Variants in NUBPL observed in about 807,000 individuals in gnomAD.
The protein encoded by NUBPL is iron-sulfur cluster transfer protein NUBPL.
NUBPL carries 31 observed loss-of-function variants against 45.7 expected under a neutral mutation model. That is an observed-to-expected ratio of 0.68 (90% CI 0.51 to 0.92). NUBPL has a LOEUF of 0.92. Among genes scored for constraint, NUBPL ranks in the 40% least tolerant of loss-of-function variants. The pLI is 0.00. For missense variants in NUBPL, 401 were observed against 398.7 expected (o/e 1.01, Z -0.05); for synonymous variants, 144 against 140.9 (o/e 1.02, Z -0.15).
chr14:31,838,168 A>G (rs1160298372), intron 8 of NUBPL, among the ~76,000 whole-genome samples: 1 of 151,948 alleles, frequency 6.6e-6, no homozygotes, highest in Non-Finnish European at 1.5e-5. Context: ...AGGCTGTGGA[A>G]TGGCTGGAAT....
chr14:31,753,448 A>G (rs558266651), intron 6 of NUBPL, among the ~76,000 whole-genome samples: 9 of 152,122 alleles, frequency 5.9e-5, no homozygotes, highest in Non-Finnish European at 1.0e-4. Flanking sequence ...CCGGGAGTAT[A>G]GTACACAGTG....
intron 4 of NUBPL, among the ~76,000 whole-genome samples, chr14:31,639,512 A>G (rs1157231717): frequency 6.6e-6 from 1 of 152,142 alleles, no homozygotes; most frequent in Non-Finnish European, 1.5e-5. Flanking sequence ...CCTCCCAGTT[A>G]GGCTGCTCGG....
chr14:31,590,135 A>T (rs34042472), intron 3 of NUBPL, among the ~76,000 whole-genome samples: 45,888 of 151,994 alleles, frequency 0.3, 7,658 homozygotes, highest in South Asian at 0.41. Context: ...AATCTTTCTC[A>T]CAGAGCAATC....
intron 8 of NUBPL, among the ~76,000 whole-genome samples, chr14:31,829,330 T>C (rs1418193464): frequency 2.6e-5 from 4 of 152,092 alleles, no homozygotes; most frequent in Non-Finnish European, 5.9e-5. Context: ...TTAAAAGAGA[T>C]AGAAGGTCTT....
intron 7 of NUBPL, among the ~76,000 whole-genome samples, chr14:31,803,725 C>A (rs2039634288): frequency 6.6e-6 from 1 of 152,104 alleles, no homozygotes; most frequent in Non-Finnish European, 1.5e-5. Context: ...TTAAAAAATT[C>A]TTTCTGAAAT....
chr14:31,610,466 A>C lies in NUBPL; in HGVS notation c.382+11087A>C, dbSNP rs185605331. ...GAAAAGTCCACGACCCAATAGCTTC[A>C]CTGCTGAATTCTACCAAATATTTAA... is the stretch of plus-strand genomic sequence containing the variant. On this transcript the variant is annotated intron_variant, in intron 4 of 10. Coordinates refer to ENST00000281081, the MANE Select transcript of NUBPL (RefSeq NM_025152.3). 1.1e-3 allele frequency among the ~76,000 whole-genome samples: 165 copies of C among 152,130 alleles called. No homozygotes were observed. The Middle Eastern group carries it at 0.014, about 13-fold the overall frequency.
intron 4 of NUBPL, among the ~76,000 whole-genome samples, chr14:31,643,359 A>G (rs1363705389): frequency 2.0e-5 from 3 of 152,158 alleles, no homozygotes; most frequent in Non-Finnish European, 4.4e-5. Flanking sequence ...TTTATCATAA[A>G]GGGATGTTGA....
At chr14:31,789,408 G>A (rs1388280352) in intron 7 of NUBPL, among the ~76,000 whole-genome samples, 2 of 151,978 alleles carry the variant, frequency 1.3e-5, no homozygotes, top group Non-Finnish European at 2.9e-5. Flanking sequence ...GAATTTTATA[G>A]TCTGCTAATT....
At chr14:31,590,921 C>G (rs2034125324) in intron 3 of NUBPL, among the ~76,000 whole-genome samples, 1 of 152,056 alleles carries the variant, frequency 6.6e-6, no homozygotes, top group Admixed American at 6.5e-5. Flanking sequence ...AGTTTTTCTT[C>G]TCTTAATCTT....
intron 6 of NUBPL, among the ~76,000 whole-genome samples, chr14:31,688,554 C>T (rs1406026344): frequency 7.2e-5 from 10 of 138,406 alleles, no homozygotes; most frequent in Non-Finnish European, 1.4e-4. Context: ...CACTCCAGCC[C>T]GGGCAACAGT....
At chr14:31,609,476 C>T (rs2034695566) in intron 4 of NUBPL, among the ~76,000 whole-genome samples, 1 of 152,078 alleles carries the variant, frequency 6.6e-6, no homozygotes, top group Non-Finnish European at 1.5e-5. Flanking sequence ...ACAATAATAC[C>T]TGGAGACTTC....
At chr14:31,770,044 G>A (rs1476900705) in intron 6 of NUBPL, among the ~76,000 whole-genome samples, 1 of 152,002 alleles carries the variant, frequency 6.6e-6, no homozygotes, top group Non-Finnish European at 1.5e-5. Flanking sequence ...TCCCATTTCA[G>A]TGCTTGTTTT....
Position 31,617,439 on chromosome 14 carries a change from A to C in NUBPL, c.382+18060A>C, listed in dbSNP as rs368551481. Among the ~76,000 whole-genome samples, 50 of 152,260 alleles carry C rather than the reference A, an allele frequency of 3.3e-4. No homozygotes were observed. In the East Asian group the frequency reaches 8.7e-3, roughly 26 times the overall value. ...GTCATAAATAGCTCTTATTATTTTGAGATATGTTCCATCAATACCTAGTTT... is the reference window on the plus strand; with the variant it reads ...GTCATAAATAGCTCTTATTATTTTGCGATATGTTCCATCAATACCTAGTTT... On this transcript the variant is annotated intron_variant, in intron 4 of 10. Transcript: ENST00000281081.
At chr14:31,815,228 G>A (rs1384564628) in intron 7 of NUBPL, among the ~76,000 whole-genome samples, 1 of 151,906 alleles carries the variant, frequency 6.6e-6, no homozygotes, top group African/African-American at 2.4e-5. Flanking sequence ...GCAGCGGTTT[G>A]TAGTTCTCCT....
chr14:31,678,721 T>C (rs912198624), intron 6 of NUBPL, among the ~76,000 whole-genome samples: 3 of 152,192 alleles, frequency 2.0e-5, no homozygotes, highest in African/African-American at 7.2e-5. Flanking sequence ...AAAGGGTCTC[T>C]TGTGAAGCCA....
intron 6 of NUBPL, among the ~76,000 whole-genome samples, chr14:31,752,913 GGT>G (rs1267587135): frequency 6.6e-6 from 1 of 152,148 alleles, no homozygotes; most frequent in Non-Finnish European, 1.5e-5. Context: ...TTCTTCATAT[GGT>G]GGCAATAAAC....
chr14:31,688,472 G>T (rs575846540), intron 6 of NUBPL, among the ~76,000 whole-genome samples: 31 of 151,894 alleles, frequency 2.0e-4, no homozygotes, highest in Admixed American at 4.6e-4. Flanking sequence ...AGCTACTCGG[G>T]TGGCTGAGGC....
At chr14:31,744,617 C>CTTTTTTT (rs34367142) in intron 6 of NUBPL, among the ~76,000 whole-genome samples, 4 of 103,912 alleles carry the variant, frequency 3.8e-5, no homozygotes, top group African/African-American at 4.1e-5. Flanking sequence ...TTTGTAGAAT[C>CTTTTTTT]TTTTTTTTTT....
intron 6 of NUBPL, among the ~76,000 whole-genome samples, chr14:31,716,264 A>G (rs2037686210): frequency 6.6e-6 from 1 of 152,166 alleles, no homozygotes; most frequent in Non-Finnish European, 1.5e-5. Flanking sequence ...GAAGGAATAC[A>G]CTCTATAGTA....
Sources: gnomAD v4.1 joint callset for allele counts (sites outside exome capture counted in the v4.1 genomes callset) on GRCh38, gnomAD v4.1.1 for gene constraint, MANE v1.5 for transcripts, NCBI Gene and HGNC (gene_info 2026-07-23, HGNC 2026-07-21) for gene names.